Variants in ERBB4 observed in about 807,000 individuals in gnomAD.
The protein encoded by ERBB4 is erb-b2 receptor tyrosine kinase 4.
Under a neutral mutation model 158.0 loss-of-function variants are expected in ERBB4, and 42 were observed. The ratio of observed to expected loss-of-function variants is 0.27; its 90% CI spans 0.21 to 0.34. The LOEUF (loss-of-function observed/expected upper bound fraction) is 0.34. Ranked by LOEUF, ERBB4 falls within the 10% of genes least tolerant of loss-of-function variation. ERBB4 has a pLI of 1.00. For synonymous variants in ERBB4, 583 were observed against 558.7 expected, an observed-to-expected ratio of 1.04 and a Z score of -0.61; for missense variants, 1,333 against 1,624.1, an observed-to-expected ratio of 0.82 and a Z score of 3.08.
At position 211,689,902 on chromosome 2, in the gene ERBB4, A is replaced by G. The variant is rs1235256328; in HGVS notation, c.1490-10718T>C. ...TAGAGAATGGTTAAAATTATACTGT[A>G]CGGTGTCACGAGTCTCTCCGTATTG... On this transcript the variant is annotated intron_variant, in intron 12 of 27. Coordinates refer to ENST00000342788, the MANE Select transcript of ERBB4 (RefSeq NM_005235.3). Among the ~76,000 whole-genome samples, 3 of 151,798 alleles carry G rather than the reference A, an allele frequency of 2.0e-5. No homozygotes were observed. The South Asian group carries it at 6.2e-4, about 32-fold the overall frequency.
At chr2:212,502,295 T>A (rs1690940520) in intron 1 of ERBB4, among the ~76,000 whole-genome samples, 1 of 152,190 alleles carries the variant, frequency 6.6e-6, no homozygotes, top group Non-Finnish European at 1.5e-5. Context: ...AAAAGTGTAT[T>A]ACTTAACAAT....
intron 18 of ERBB4, among the ~76,000 whole-genome samples, chr2:211,621,469 C>G (rs559665861): frequency 7.9e-5 from 12 of 152,220 alleles, no homozygotes; most frequent in Admixed American, 5.2e-4. Flanking sequence ...ACCATAGACA[C>G]TTTCATTACA....
At chr2:211,668,547 A>G (rs1187708395) in intron 14 of ERBB4, among the ~76,000 whole-genome samples, 1 of 152,310 alleles carries the variant, frequency 6.6e-6, no homozygotes, top group South Asian at 2.1e-4. Flanking sequence ...TCAATAATCT[A>G]GACAGACAAC....
intron 25 of ERBB4, among the ~76,000 whole-genome samples, chr2:211,392,307 G>C (rs2062813862): frequency 6.6e-6 from 1 of 152,004 alleles, no homozygotes; most frequent in Admixed American, 6.6e-5. Context: ...CCAGTGTTTT[G>C]AGACGTTTAG....
At chr2:212,233,867 C>T (rs2083751065) in intron 1 of ERBB4, among the ~76,000 whole-genome samples, 1 of 151,794 alleles carries the variant, frequency 6.6e-6, no homozygotes, top group Non-Finnish European at 1.5e-5. Context: ...CTTCTTTCTA[C>T]ATTTGACTTT....
intron 16 of ERBB4, among the ~76,000 whole-genome samples, chr2:211,656,603 T>C (rs1354622354): frequency 6.6e-6 from 1 of 152,194 alleles, no homozygotes; most frequent in South Asian, 2.1e-4. Context: ...TTCCATTATC[T>C]CCTCAAATTA....
chr2:212,271,941 C>T (rs2085358977), intron 1 of ERBB4, among the ~76,000 whole-genome samples: 1 of 151,716 alleles, frequency 6.6e-6, no homozygotes, highest in Admixed American at 6.6e-5. Context: ...GGTTCTCTAG[C>T]AAACTTAAGA....
intron 25 of ERBB4, among the ~76,000 whole-genome samples, chr2:211,390,106 T>C (rs567472063): frequency 1.2e-4 from 19 of 152,314 alleles, no homozygotes; most frequent in African/African-American, 4.6e-4. Flanking sequence ...GTACAGGAAA[T>C]ATGGAACTGC....
At chr2:212,458,922 G>A (rs1688437055) in intron 1 of ERBB4, among the ~76,000 whole-genome samples, 1 of 152,132 alleles carries the variant, frequency 6.6e-6, no homozygotes, top group African/African-American at 2.4e-5. Flanking sequence ...GTGTAGCACA[G>A]GCATATTATA....
At chr2:211,828,618 C>T (rs947584518) in intron 3 of ERBB4, among the ~76,000 whole-genome samples, 10 of 152,094 alleles carry the variant, frequency 6.6e-5, no homozygotes, top group African/African-American at 2.2e-4. Flanking sequence ...CTTGCTAAAA[C>T]ACAACCTCAC....
chr2:211,551,525 A>G (rs2067096896), intron 20 of ERBB4, among the ~76,000 whole-genome samples: 1 of 152,198 alleles, frequency 6.6e-6, no homozygotes, highest in African/African-American at 2.4e-5. Context: ...AATCCATTCA[A>G]ACAACTGGTA....
At chr2:212,298,094 T>C (rs1216428245) in intron 1 of ERBB4, among the ~76,000 whole-genome samples, 2 of 151,832 alleles carry the variant, frequency 1.3e-5, no homozygotes, top group African/African-American at 4.8e-5. Flanking sequence ...TTTTCACTAA[T>C]AGTTCTTTTT....
At chr2:211,440,837 G>A (rs2063957484) in intron 20 of ERBB4, among the ~76,000 whole-genome samples, 1 of 152,150 alleles carries the variant, frequency 6.6e-6, no homozygotes, top group Admixed American at 6.6e-5. Flanking sequence ...GAGCACTAAA[G>A]GCTCTTATGC....
At chr2:211,843,175 T>C (rs2077512481) in intron 3 of ERBB4, among the ~76,000 whole-genome samples, 1 of 152,180 alleles carries the variant, frequency 6.6e-6, no homozygotes, top group South Asian at 2.1e-4. Context: ...TTTGAATATA[T>C]GTTTTTAATG....
intron 16 of ERBB4, among the ~76,000 whole-genome samples, chr2:211,655,396 T>G (rs2071173463): frequency 6.6e-6 from 1 of 152,132 alleles, no homozygotes; most frequent in African/African-American, 2.4e-5. Context: ...CCAGGCACTG[T>G]TCTAAGGACA....
chr2:212,143,866 A>T (rs2080570109), intron 1 of ERBB4, among the ~76,000 whole-genome samples: 2 of 151,966 alleles, frequency 1.3e-5, no homozygotes, highest in Admixed American at 6.6e-5. Flanking sequence ...AAAAAATACA[A>T]AAATTAACCA....
chr2:212,425,505 G>A (rs1263292677), intron 1 of ERBB4, among the ~76,000 whole-genome samples: 1 of 149,038 alleles, frequency 6.7e-6, no homozygotes, highest in Non-Finnish European at 1.5e-5. Context: ...GGAGGCAGTG[G>A]TTATTTAAAA....
chr2:212,389,308 G>A (rs762420182), intron 1 of ERBB4, among the ~76,000 whole-genome samples: 6 of 151,982 alleles, frequency 3.9e-5, no homozygotes, highest in Non-Finnish European at 7.4e-5. Context: ...TCTAAAACAA[G>A]TATAGACCAT....
chr2:212,440,175 T>C (rs1329835333), intron 1 of ERBB4, among the ~76,000 whole-genome samples: 1 of 152,230 alleles, frequency 6.6e-6, no homozygotes, highest in Non-Finnish European at 1.5e-5. Context: ...ATATAAAGTA[T>C]TGATCCTGGG....
Sources: gnomAD v4.1 joint callset for allele counts (sites outside exome capture counted in the v4.1 genomes callset) on GRCh38, gnomAD v4.1.1 for gene constraint, MANE v1.5 for transcripts, NCBI Gene and HGNC (gene_info 2026-07-23, HGNC 2026-07-21) for gene names.